SLC24A3: variants seen among roughly 807,000 people sequenced by gnomAD.
SLC24A3 encodes the protein sodium/potassium/calcium exchanger 3.
A neutral mutation model predicts 75.8 loss-of-function variants in SLC24A3; 28 were observed. The ratio of observed to expected loss-of-function variants is 0.37; its 90% CI spans 0.27 to 0.51. The LOEUF (loss-of-function observed/expected upper bound fraction) is 0.51, where lower values mean the gene tolerates loss of function less well. SLC24A3 is among the 20% of genes least tolerant of loss of function. The probability of loss-of-function intolerance (pLI) is 0.94; values close to 1 mark genes in which losing one functional copy is unlikely to be tolerated. For missense variants in SLC24A3, 663 were observed against 847.8 expected, an observed-to-expected ratio of 0.78 and a Z score of 2.71; for synonymous variants, 372 against 334.1, an observed-to-expected ratio of 1.11 and a Z score of -1.24.
chr20:19,665,422 G>T (rs2032386417), intron 7 of SLC24A3, among the ~76,000 whole-genome samples: 1 of 152,142 alleles, frequency 6.6e-6, no homozygotes, highest in South Asian at 2.1e-4. Flanking sequence ...CCAAGCACTT[G>T]CATAAAAACT....
At chr20:19,458,683 C>T (rs1009528739) in intron 2 of SLC24A3, among the ~76,000 whole-genome samples, 2 of 152,206 alleles carry the variant, frequency 1.3e-5, no homozygotes, top group African/African-American at 4.8e-5. Flanking sequence ...CATGTCTCAG[C>T]AAGTCCTTTC....
intron 6 of SLC24A3, among the ~76,000 whole-genome samples, chr20:19,588,928 A>G (rs1465392722): frequency 6.6e-6 from 1 of 152,230 alleles, no homozygotes; most frequent in Non-Finnish European, 1.5e-5. Context: ...TATAATAAAG[A>G]GCTCCAACAT....
At chr20:19,263,562 C>T (rs756584340) in intron 1 of SLC24A3, among the ~76,000 whole-genome samples, 1 of 152,192 alleles carries the variant, frequency 6.6e-6, no homozygotes, top group Admixed American at 6.5e-5. Flanking sequence ...GTTTCTCAGG[C>T]GCAGGTGGTG....
intron 1 of SLC24A3, chr20:19,265,887 A>G (rs955380509): frequency 3.9e-5 from 6 of 152,996 alleles, no homozygotes; most frequent in Non-Finnish European, 8.8e-5. Context: ...ATTATGGCCT[A>G]CAGGATGTGG....
chr20:19,395,317 A>C (rs1258476495), intron 2 of SLC24A3, among the ~76,000 whole-genome samples: 2 of 152,256 alleles, frequency 1.3e-5, no homozygotes, highest in Non-Finnish European at 2.9e-5. Flanking sequence ...GAATTGGTTA[A>C]AATGGTAAAT....
At chr20:19,442,944 T>A (rs1289273702) in intron 2 of SLC24A3, among the ~76,000 whole-genome samples, 1 of 152,226 alleles carries the variant, frequency 6.6e-6, no homozygotes, top group Non-Finnish European at 1.5e-5. Flanking sequence ...ATTTATTAAA[T>A]ACTGTCTTTT....
intron 3 of SLC24A3, among the ~76,000 whole-genome samples, chr20:19,522,062 G>T (rs2030108920): frequency 6.6e-6 from 1 of 152,166 alleles, no homozygotes. Context: ...TAACGTGGTA[G>T]CCACTGGCCA....
intron 2 of SLC24A3, among the ~76,000 whole-genome samples, chr20:19,508,745 G>A (rs1429004310): frequency 6.6e-6 from 1 of 152,226 alleles, no homozygotes; most frequent in Non-Finnish European, 1.5e-5. Flanking sequence ...TGAAAGAGAG[G>A]AGCAGAAAGA....
At chr20:19,521,931 T>C (rs1388736965) in intron 3 of SLC24A3, among the ~76,000 whole-genome samples, 1 of 151,988 alleles carries the variant, frequency 6.6e-6, no homozygotes, top group African/African-American at 2.4e-5. Context: ...GTATTTTTTT[T>C]TCATGGTCTT....
intron 2 of SLC24A3, among the ~76,000 whole-genome samples, chr20:19,427,455 G>A (rs1987029131): frequency 1.3e-5 from 2 of 152,200 alleles, no homozygotes; most frequent in African/African-American, 4.8e-5. Context: ...ATGTAAAAAT[G>A]TAAATACTGT....
chr20:19,665,792 CGTGTGTGT>C (rs58371474), intron 7 of SLC24A3, 64 bp from the exon 8 acceptor site: 77,456 of 1,198,072 alleles, frequency 0.065, 678 homozygotes, highest in Non-Finnish European at 0.075. Flanking sequence ...AGCCTTAAAG[CGTGTGTGT>C]GTGTGTGTGT....
At chr20:19,349,074 C>T (rs1985504479) in intron 2 of SLC24A3, among the ~76,000 whole-genome samples, 1 of 152,126 alleles carries the variant, frequency 6.6e-6, no homozygotes, top group Non-Finnish European at 1.5e-5. Context: ...TAGGCTAGCC[C>T]AGCAATACAT....
chr20:19,380,108 T>C (rs2295071), intron 2 of SLC24A3, among the ~76,000 whole-genome samples: 9,934 of 152,186 alleles, frequency 0.065, 693 homozygotes, highest in East Asian at 0.3. Context: ...CTTGCAAGTT[T>C]AGAAAAGGTT....
chr20:19,357,014 G>T (rs1330397147), intron 2 of SLC24A3, among the ~76,000 whole-genome samples: 1 of 152,060 alleles, frequency 6.6e-6, no homozygotes, highest in East Asian at 1.9e-4. Flanking sequence ...TATTGCTTTG[G>T]TAAATTATTT....
intron 6 of SLC24A3, among the ~76,000 whole-genome samples, chr20:19,653,553 C>T (rs1031504247): frequency 6.6e-6 from 1 of 152,212 alleles, no homozygotes; most frequent in Admixed American, 6.5e-5. Flanking sequence ...GCAAGACAGG[C>T]TGTAGCAGAC....
Position 19,551,489 on chromosome 20 carries a change from C to T in SLC24A3, c.349-28511C>T, listed in dbSNP as rs150552707. Among the ~76,000 whole-genome samples, 33 of 152,236 alleles carry T rather than the reference C, an allele frequency of 2.2e-4. No individual in the cohort carries two copies. In the East Asian group the frequency reaches 5.2e-3, roughly 24 times the overall value. ...GGTATTTTAAATGAATTATGACTCC[C>T]GCCTCCCCATCCCACATTCTATAAC... On this transcript the variant is annotated intron_variant, in intron 3 of 16. Coordinates refer to ENST00000328041, the MANE Select transcript of SLC24A3 (RefSeq NM_020689.4).
chr20:19,626,620 T>C (rs1265888427), intron 6 of SLC24A3, among the ~76,000 whole-genome samples: 1 of 152,218 alleles, frequency 6.6e-6, no homozygotes, highest in African/African-American at 2.4e-5. Flanking sequence ...TAGTGCTTCC[T>C]TGTAAATGTA....
At chr20:19,317,596 C>T (rs1242818403) in intron 2 of SLC24A3, among the ~76,000 whole-genome samples, 2 of 152,208 alleles carry the variant, frequency 1.3e-5, no homozygotes, top group Non-Finnish European at 2.9e-5. Flanking sequence ...CTTCCCATCC[C>T]CCGCCCCAGG....
At chr20:19,296,587 C>CAGATTCAT (rs1298705279) in intron 2 of SLC24A3, among the ~76,000 whole-genome samples, 1 of 151,474 alleles carries the variant, frequency 6.6e-6, no homozygotes, top group African/African-American at 2.4e-5. Flanking sequence ...CAGGAGCACC[C>CAGATTCAT]AGATTCATAA....
Sources: gnomAD v4.1 joint callset for allele counts (sites outside exome capture counted in the v4.1 genomes callset) on GRCh38, gnomAD v4.1.1 for gene constraint, MANE v1.5 for transcripts, NCBI Gene and HGNC (gene_info 2026-07-23, HGNC 2026-07-21) for gene names.